RAVER2: variants seen among roughly 807,000 people sequenced by gnomAD.
The protein encoded by RAVER2 is ribonucleoprotein, PTB binding 2, also known as ribonucleoprotein PTB-binding 2.
In RAVER2, 46 loss-of-function variants were observed where a neutral mutation model predicts 78.1. That is an observed-to-expected ratio of 0.59 (90% confidence interval 0.46 to 0.75). The LOEUF (loss-of-function observed/expected upper bound fraction) is 0.75, where lower values mean the gene tolerates loss of function less well. Ranked by LOEUF, RAVER2 falls within the 30% of genes least tolerant of loss-of-function variation. The pLI is 0.00. For synonymous variants in RAVER2, 311 were observed against 313.3 expected, an observed-to-expected ratio of 0.99 and a Z score of 0.08; for missense variants, 793 against 837.5, an observed-to-expected ratio of 0.95 and a Z score of 0.66.
At chr1:64,788,836 A>T (rs911375450) in intron 4 of RAVER2, among the ~76,000 whole-genome samples, 1 of 151,988 alleles carries the variant, frequency 6.6e-6, no homozygotes, top group Non-Finnish European at 1.5e-5. Context: ...GGCAACCCAC[A>T]TTGTTAAACT....
chr1:64,776,620 G>A (rs888460737), intron 2 of RAVER2, among the ~76,000 whole-genome samples: 1 of 152,150 alleles, frequency 6.6e-6, no homozygotes, highest in African/African-American at 2.4e-5. Flanking sequence ...TGTTCATATG[G>A]AGTAACTTCA....
chr1:64,783,208 T>C (rs553152191), intron 4 of RAVER2, among the ~76,000 whole-genome samples: 1 of 152,342 alleles, frequency 6.6e-6, no homozygotes, highest in East Asian at 1.9e-4. Flanking sequence ...CATGTGTCTT[T>C]ATAATAGCAT....
chr1:64,754,717 A>T (rs1024078155), intron 1 of RAVER2, among the ~76,000 whole-genome samples: 2 of 152,216 alleles, frequency 1.3e-5, no homozygotes, highest in Non-Finnish European at 2.9e-5. Context: ...CCCTGATTTC[A>T]TTAGGGGATT....
chr1:64,806,464 C>G (rs1653421865), intron 8 of RAVER2, among the ~76,000 whole-genome samples: 1 of 152,138 alleles, frequency 6.6e-6, no homozygotes, highest in Admixed American at 6.5e-5. Flanking sequence ...TTGTTATTTT[C>G]TGTAAATAAA....
intron 1 of RAVER2, among the ~76,000 whole-genome samples, chr1:64,746,387 A>T (rs1421186258): frequency 6.6e-6 from 1 of 152,166 alleles, no homozygotes; most frequent in Admixed American, 6.5e-5. Flanking sequence ...ATGTTCACAC[A>T]TGTTTCACAT....
exon 12 of RAVER2, chr1:64,830,853 A>C (rs1391485559): frequency 6.2e-7 from 1 of 1,605,204 alleles, no homozygotes; most frequent in East Asian, 2.2e-5. Context: ...CATCTTTAAG[A>C]AATGAAAAGC....
chr1:64,805,045 A>T lies in RAVER2; in HGVS notation c.1351A>T (p.Ile451Leu), dbSNP rs764455265. The T allele has an allele frequency of 3.7e-6, 6 of 1,613,822 alleles. No homozygotes were observed. In the Admixed American group the frequency reaches 5.0e-5, roughly 13 times the overall value. Residue 451 changes from isoleucine (I) to leucine (L), a missense_variant, in exon 8 of 12, where the codon ATA becomes TTA. Coordinates refer to ENST00000294428, the Ensembl canonical transcript of RAVER2. The stretch of plus-strand genomic sequence containing the variant: ...TGTGGTACTTCAGACTGCACTAGGG[A>T]TAGGGTCAGTGCTTCCATTGAAAAA...
chr1:64,747,421 T>C (rs1204316394), intron 1 of RAVER2, among the ~76,000 whole-genome samples: 1 of 152,218 alleles, frequency 6.6e-6, no homozygotes, highest in Non-Finnish European at 1.5e-5. Context: ...AATATGGCTT[T>C]TGTTCAATTA....
At chr1:64,762,513 A>T (rs1403668238) in intron 1 of RAVER2, among the ~76,000 whole-genome samples, 1 of 152,168 alleles carries the variant, frequency 6.6e-6, no homozygotes, top group Admixed American at 6.5e-5. Flanking sequence ...TTCAAAGCTT[A>T]CTATAAAGCT....
At chr1:64,814,769 C>G in exon 11 of RAVER2, 1 of 1,591,572 alleles carries the variant, frequency 6.3e-7, no homozygotes, top group East Asian at 2.3e-5. Context: ...TGCAATCTCT[C>G]AGGGAAGTGA....
chr1:64,796,949 C>A (rs998285786), intron 5 of RAVER2, among the ~76,000 whole-genome samples: 1 of 152,006 alleles, frequency 6.6e-6, no homozygotes, highest in Non-Finnish European at 1.5e-5. Flanking sequence ...TTTCAAAATA[C>A]TTTTTGGTTT....
exon 3 of RAVER2, chr1:64,777,672 G>A (rs914022744): frequency 1.2e-6 from 2 of 1,613,742 alleles, no homozygotes; most frequent in African/African-American, 1.3e-5. Flanking sequence ...CAATTCAGAT[G>A]TTTCATCAAT....
rs553344934 is a variant in RAVER2, at chr1:64,796,628, T to G, written c.1106-6348T>G. On this transcript the variant is annotated intron_variant, in intron 5 of 11. Transcript: ENST00000294428. ...ATAGTGATGGCCTCTTTCACATTCCTGATATTTTTGTCTTCTCTCTTTTTT... is the reference window on the plus strand; with the variant it reads ...ATAGTGATGGCCTCTTTCACATTCCGGATATTTTTGTCTTCTCTCTTTTTT... 2.0e-5 allele frequency among the ~76,000 whole-genome samples: 3 copies of G among 152,246 alleles called. No homozygotes were observed. The South Asian group carries it at 6.2e-4, about 32-fold the overall frequency.
At position 64,768,785 on chromosome 1, in the gene RAVER2, A is replaced by G. The variant is rs540794368; in HGVS notation, c.316+63A>G. On this transcript the variant is annotated intron_variant, in intron 2 of 11. Transcript: ENST00000294428. ...TTCTCCCTGTACTCGTTATAGAACA[A>G]AAAAGCTCAGTGTCTTTTCATGCTT... is the stretch of plus-strand genomic sequence containing the variant. 1.5e-5 allele frequency: 16 copies of G among 1,070,618 alleles called. No individual in the cohort carries two copies. In the South Asian group the frequency reaches 2.0e-4, roughly 13 times the overall value. The allele number at this position is 1,070,618 out of a possible 1,614,324, so 66.3% of individuals were successfully genotyped here.
chr1:64,783,417 C>A (rs540236475), intron 4 of RAVER2, among the ~76,000 whole-genome samples: 1 of 152,134 alleles, frequency 6.6e-6, no homozygotes, highest in Non-Finnish European at 1.5e-5. Context: ...TTTTAATGAT[C>A]GCCATTCTAA....
chr1:64,818,265 G>C (rs1027040112), intron 11 of RAVER2, among the ~76,000 whole-genome samples: 16 of 152,096 alleles, frequency 1.1e-4, no homozygotes, highest in Non-Finnish European at 2.2e-4. Context: ...GGCTGGGCGC[G>C]GTGGCTCACA....
chr1:64,797,864 A>AT (rs1653137460), intron 5 of RAVER2, among the ~76,000 whole-genome samples: 1 of 150,992 alleles, frequency 6.6e-6, no homozygotes, highest in South Asian at 2.1e-4. Context: ...TATTTGCAGT[A>AT]TTACTACTGG....
chr1:64,759,378 G>A (rs1339333390), intron 1 of RAVER2, among the ~76,000 whole-genome samples: 2 of 149,924 alleles, frequency 1.3e-5, no homozygotes, highest in Admixed American at 6.7e-5. Flanking sequence ...CCGCCACCAC[G>A]CCCGGCTAAT....
intron 9 of RAVER2, 45 bp downstream of exon 9, chr1:64,807,519 T>C (rs1422069662): frequency 6.5e-7 from 1 of 1,542,876 alleles, no homozygotes; most frequent in Non-Finnish European, 8.8e-7. Flanking sequence ...TACATGTATA[T>C]GTATATATAT....
Sources: allele counts gnomAD v4.1 joint callset (sites outside exome capture counted in the v4.1 genomes callset), GRCh38; gene constraint gnomAD v4.1.1; transcripts MANE v1.5; gene names NCBI Gene and HGNC (gene_info 2026-07-23, HGNC 2026-07-21).